The following PIGK variants were observed in gnomAD, a reference collection of about 807,000 sequenced individuals.
PIGK encodes the protein GPI-anchor transamidase.
Under a neutral mutation model 50.6 loss-of-function variants are expected in PIGK, and 42 were observed. That is an observed-to-expected ratio of 0.83 (90% CI 0.65 to 1.07). PIGK has a LOEUF of 1.07. PIGK is among the 50% of genes least tolerant of loss of function. PIGK has a pLI of 0.00. For missense variants in PIGK, 448 were observed against 488.7 expected, an observed-to-expected ratio of 0.92 and a Z score of 0.78; for synonymous variants, 151 against 156.0, an observed-to-expected ratio of 0.97 and a Z score of 0.24.
chr1:77,197,699 C>T (rs1656068123), intron 3 of PIGK, among the ~76,000 whole-genome samples: 1 of 152,154 alleles, frequency 6.6e-6, no homozygotes, highest in Non-Finnish European at 1.5e-5. Flanking sequence ...TGTGGTCTGG[C>T]CTAACTCACT....
chr1:77,179,871 G>A (rs1570245258), intron 3 of PIGK, among the ~76,000 whole-genome samples: 1 of 152,186 alleles, frequency 6.6e-6, no homozygotes, highest in East Asian at 1.9e-4. Context: ...ATTTACATAA[G>A]CTTTTGCCAA....
At chr1:77,188,403 A>G (rs1476694275) in intron 3 of PIGK, among the ~76,000 whole-genome samples, 5 of 152,280 alleles carry the variant, frequency 3.3e-5, no homozygotes, top group Non-Finnish European at 5.9e-5. Context: ...TAGCACTCCC[A>G]GGCTTATTAG....
At chr1:77,130,189 C>CTT (rs67252426) in intron 9 of PIGK, among the ~76,000 whole-genome samples, 12,590 of 103,804 alleles carry the variant, frequency 0.12, 1,449 homozygotes, top group African/African-American at 0.24. Flanking sequence ...TTTGCATTGT[C>CTT]TTTTTTTTTT....
chr1:77,136,097 A>G (rs1365308799), intron 9 of PIGK, among the ~76,000 whole-genome samples: 1 of 152,178 alleles, frequency 6.6e-6, no homozygotes, highest in Non-Finnish European at 1.5e-5. Context: ...CAGCTTTTGC[A>G]TGTTTGAAAA....
At chr1:77,213,909 T>A (rs1656485876) in intron 1 of PIGK, among the ~76,000 whole-genome samples, 1 of 149,934 alleles carries the variant, frequency 6.7e-6, no homozygotes, top group African/African-American at 2.5e-5. Context: ...TAAACAACTA[T>A]ACACAAATAC....
intron 9 of PIGK, among the ~76,000 whole-genome samples, chr1:77,135,439 A>G (rs552677008): frequency 1.1e-4 from 17 of 152,136 alleles, no homozygotes; most frequent in Admixed American, 3.3e-4. Flanking sequence ...ATTTTACACT[A>G]TAAGTATTTA....
chr1:77,216,765 T>G (rs1656576924), intron 1 of PIGK, among the ~76,000 whole-genome samples: 1 of 152,178 alleles, frequency 6.6e-6, no homozygotes, highest in African/African-American at 2.4e-5. Flanking sequence ...TTAGGTCCTA[T>G]CTCGCAACTG....
chr1:77,148,478 A>G (rs767772645), intron 9 of PIGK, among the ~76,000 whole-genome samples: 3 of 152,194 alleles, frequency 2.0e-5, no homozygotes, highest in Non-Finnish European at 4.4e-5. Context: ...ATCTTCGGCA[A>G]TGACAATTTT....
chr1:77,182,650 A>T (rs1655645886), intron 3 of PIGK, among the ~76,000 whole-genome samples: 1 of 152,178 alleles, frequency 6.6e-6, no homozygotes, highest in African/African-American at 2.4e-5. Flanking sequence ...GAGTGATCCT[A>T]GAGGAACAGA....
chr1:77,217,629 T>C (rs1302634868), intron 1 of PIGK, among the ~76,000 whole-genome samples: 1 of 152,092 alleles, frequency 6.6e-6, no homozygotes, highest in Non-Finnish European at 1.5e-5. Context: ...GGAGAACAGA[T>C]TGAAAGGAAA....
intron 9 of PIGK, among the ~76,000 whole-genome samples, chr1:77,128,627 A>C (rs1654283614): frequency 6.6e-6 from 1 of 152,208 alleles, no homozygotes. Flanking sequence ...AGTAGTGTAG[A>C]GTTCTGGGGG....
intron 9 of PIGK, among the ~76,000 whole-genome samples, chr1:77,139,882 T>TC (rs1283748867): frequency 6.6e-6 from 1 of 152,186 alleles, no homozygotes; most frequent in African/African-American, 2.4e-5. Flanking sequence ...CTTCAAACCA[T>TC]CCCTCTAAAC....
rs1653275050 is a variant in PIGK at position 77,090,635 on chromosome 1, T to C, written c.*1739A>G. Reference sequence around the variant, plus strand: ...GGCTCAAGAACAATCATAATTCCTTTACCACCCTAAATAGCTCCGCCTCAC... The same window carrying C: ...GGCTCAAGAACAATCATAATTCCTTCACCACCCTAAATAGCTCCGCCTCAC... On this transcript the variant is annotated 3_prime_UTR_variant, in exon 11 of 11. Coordinates refer to ENST00000370812, the MANE Select transcript of PIGK (RefSeq NM_005482.3). The C allele has an allele frequency of 6.6e-6, 1 of 152,224 alleles. No individual in the cohort carries two copies. The highest frequency in any genetic ancestry group is 1.5e-5 in the Non-Finnish European group (1 of 68,042). The allele number at this position is 152,224 out of a possible 1,614,324, so 9.4% of individuals were successfully genotyped here. A position where few individuals can be genotyped will look rare whatever the true frequency, so the allele number is the denominator to read the frequency against.
chr1:77,219,163 C>A, intron 1 of PIGK, 147 bp downstream of exon 1: 1 of 613,138 alleles, frequency 1.6e-6, no homozygotes. Context: ...GTGTCCTAAC[C>A]CGTGCCCAGT....
intron 2 of PIGK, among the ~76,000 whole-genome samples, chr1:77,207,674 T>G (rs1215597562): frequency 6.6e-6 from 1 of 152,156 alleles, no homozygotes; most frequent in Non-Finnish European, 1.5e-5. Context: ...TCAGAACCCA[T>G]TCTAAGGTAG....
intron 10 of PIGK, among the ~76,000 whole-genome samples, chr1:77,097,086 T>TA (rs1557790323): frequency 6.6e-6 from 1 of 151,858 alleles, no homozygotes; most frequent in African/African-American, 2.4e-5. Flanking sequence ...TATGCAGCCA[T>TA]AAAAAATGAT....
chr1:77,113,897 C>T (rs1021137544), intron 10 of PIGK, among the ~76,000 whole-genome samples: 11 of 152,094 alleles, frequency 7.2e-5, no homozygotes, highest in Admixed American at 6.6e-4. Context: ...CACATCTCTT[C>T]ATATCTCTAC....
chr1:77,187,427 T>G (rs755899390), intron 3 of PIGK, among the ~76,000 whole-genome samples: 40 of 152,270 alleles, frequency 2.6e-4, no homozygotes, highest in South Asian at 8.3e-4. Context: ...CCTAGAGGTC[T>G]TACCTCCAGC....
At chr1:77,166,337 T>C (rs1162527835) in intron 5 of PIGK, among the ~76,000 whole-genome samples, 3 of 152,268 alleles carry the variant, frequency 2.0e-5, no homozygotes, top group East Asian at 3.9e-4. Context: ...AATCTTCATG[T>C]ACAGCAAAAT....
Sources: gnomAD v4.1 joint callset for allele counts (sites outside exome capture counted in the v4.1 genomes callset) on GRCh38, gnomAD v4.1.1 for gene constraint, MANE v1.5 for transcripts, NCBI Gene and HGNC (gene_info 2026-07-23, HGNC 2026-07-21) for gene names.